The following ZIM2 variants were observed in gnomAD, a reference collection of about 807,000 sequenced individuals.
ZIM2 encodes zinc finger imprinted 2, also known as zinc finger protein 656.
A neutral mutation model predicts 38.6 loss-of-function variants in ZIM2; 14 were observed. That is an observed-to-expected ratio of 0.36 (90% CI 0.24 to 0.57). ZIM2 has a LOEUF of 0.57. ZIM2 is among the 20% of genes least tolerant of loss of function. The pLI is 0.81. For missense variants in ZIM2, 680 were observed against 695.1 expected (o/e 0.98, Z 0.24); for synonymous variants, 247 against 245.8 (o/e 1.00, Z -0.04).
At chr19:56,840,214 C>A (rs1049634615) in intron 1 of ZIM2, among the ~76,000 whole-genome samples, 2 of 152,212 alleles carry the variant, frequency 1.3e-5, no homozygotes, top group African/African-American at 4.8e-5. Flanking sequence ...GCAGAGCCCC[C>A]GGCTGTCTGC....
chr19:56,827,510 T>A (rs1212865443), intron 2 of ZIM2, among the ~76,000 whole-genome samples: 1 of 152,068 alleles, frequency 6.6e-6, no homozygotes, highest in Non-Finnish European at 1.5e-5. Flanking sequence ...CAATCAATCA[T>A]AAAGCCGGGC....
intron 9 of ZIM2, chr19:56,815,840 G>C: frequency 6.2e-7 from 1 of 1,613,614 alleles, no homozygotes; most frequent in Non-Finnish European, 8.5e-7. Flanking sequence ...TTATCATTAA[G>C]GTCTGAGATA....
At chr19:56,796,430 T>G (rs957277813) in intron 9 of ZIM2, among the ~76,000 whole-genome samples, 3 of 152,138 alleles carry the variant, frequency 2.0e-5, no homozygotes, top group African/African-American at 7.2e-5. Flanking sequence ...TTAGAGATGA[T>G]GTCTCACTCT....
Position 56,814,356 on chromosome 19 carries a change from T to C in ZIM2, c.490+3390A>G. On this transcript the variant is annotated intron_variant, in intron 9 of 12. Transcript: ENST00000629319. The surrounding 1 kb of genome is among the most constrained non-coding windows in gnomAD (Gnocchi z 5.8). Reference sequence around the variant, plus strand: ...CTGCTGCTGCTGCAGCTGCTGCTGCTTCATCTTCTTCTTCTTCTTCCAGAT... The same window carrying C: ...CTGCTGCTGCTGCAGCTGCTGCTGCCTCATCTTCTTCTTCTTCTTCCAGAT... 6.2e-7 allele frequency: 1 copy of C among 1,613,230 alleles called. No individual in the cohort carries two copies. The highest frequency in any genetic ancestry group is 1.1e-5 in the South Asian group (1 of 91,072).
intron 1 of ZIM2, among the ~76,000 whole-genome samples, chr19:56,836,824 T>A (rs1464319387): frequency 6.6e-6 from 1 of 151,826 alleles, no homozygotes; most frequent in Non-Finnish European, 1.5e-5. Context: ...TAAAATTAGA[T>A]GGGCATGGTG....
chr19:56,839,157 A>G (rs927891755), intron 1 of ZIM2, among the ~76,000 whole-genome samples: 4 of 150,942 alleles, frequency 2.7e-5, no homozygotes, highest in African/African-American at 9.8e-5. Flanking sequence ...TGGGGCTTGA[A>G]CAAACCACTA....
rs1196985371 is a variant in ZIM2, at chr19:56,840,626, CGCACCCTCATGGCGCCCG to C, written c.-376_-359del. The C allele has an allele frequency of 6.6e-6, 1 of 152,658 alleles. No homozygotes were observed. The highest frequency in any genetic ancestry group is 1.5e-5 in the Non-Finnish European group (1 of 68,398). 9.5% of individuals were successfully genotyped at this position (152,658 alleles called of 1,614,324 possible). A position where few individuals can be genotyped will look rare whatever the true frequency, so the allele number is the denominator to read the frequency against. ...GCCTCGGGCACGAACAGCCGCCTAGCGCACCCTCATGGCGCCCGGCGCCCGGCGGCGCCACCAGCCCAG... is the reference window on the plus strand; with the variant it reads ...GCCTCGGGCACGAACAGCCGCCTAGCGCGCCCGGCGGCGCCACCAGCCCAG... On this transcript the variant is annotated 5_prime_UTR_variant, in exon 1 of 13. The change abolishes an upstream ATG in the 5' untranslated region. Coordinates refer to ENST00000629319, the MANE Select transcript of ZIM2 (RefSeq NM_001387356.1).
At chr19:56,835,159 C>T (rs2061962396) in intron 2 of ZIM2, among the ~76,000 whole-genome samples, 1 of 152,104 alleles carries the variant, frequency 6.6e-6, no homozygotes. Context: ...TTGGTCTCCC[C>T]ACACCCACTG....
chr19:56,817,931 A>T, intron 8 of ZIM2, 93 bp from the exon 9 acceptor site: 1 of 947,276 alleles, frequency 1.1e-6, no homozygotes, highest in Non-Finnish European at 1.6e-6. Flanking sequence ...GAGCCACTAA[A>T]TATGAGGTGG....
intron 9 of ZIM2, among the ~76,000 whole-genome samples, chr19:56,802,333 G>A (rs2047562760): frequency 6.6e-6 from 1 of 152,062 alleles, no homozygotes; most frequent in Admixed American, 6.5e-5. Context: ...GAAACGTGAG[G>A]GAAGGCAAAA....
rs1358093681 is a variant in ZIM2 at position 56,775,346 on chromosome 19, C to T, written c.1019G>A (p.Gly340Asp). Residue 340 changes from glycine (G) to aspartate (D), a missense_variant, in exon 13 of 13, where the codon GGC becomes GAC. Gly to Asp is a moderately conservative substitution (Grantham distance 94). Transcript: ENST00000629319. ...KDPLGKDPQE[G>D]TAPGICTSPQ... ...ACTCGTACATATTCCAGGAGCAGTGCCTTCCTGGGGATCCTTTCCTAGAGG... is the reference window on the plus strand; with the variant it reads ...ACTCGTACATATTCCAGGAGCAGTGTCTTCCTGGGGATCCTTTCCTAGAGG... 4 of 1,614,168 alleles carry T rather than the reference C, an allele frequency of 2.5e-6. No homozygotes were observed. In the South Asian group the frequency reaches 4.4e-5, roughly 18 times the overall value.
chr19:56,813,468 G>A, intron 9 of ZIM2: 1 of 1,392,092 alleles, frequency 7.2e-7, no homozygotes, highest in Non-Finnish European at 9.3e-7. Flanking sequence ...CCCACATGCA[G>A]ACACTGACAT....
At chr19:56,782,231 G>A (rs1301478239) in intron 10 of ZIM2, 110 bp from the exon 11 acceptor site, 6 of 1,404,980 alleles carry the variant, frequency 4.3e-6, no homozygotes, top group East Asian at 2.3e-5. Context: ...ACAGGCACCT[G>A]GCATTGCATC....
chr19:56,774,901 T>C lies in ZIM2; in HGVS notation c.1464A>G (p.Lys488=), dbSNP rs1465942170. Residue 488 remains lysine, a synonymous_variant, in exon 13 of 13, where the codon AAA becomes AAG. Transcript: ENST00000629319. ...SKTYLIRYQR[K]HDYVGERACQ... is the part of the protein sequence containing the mutation. The stretch of plus-strand genomic sequence containing the variant: ...AGGCTCTCTCTCCAACGTAGTCATG[T>C]TTCCGCTGATAACGAATTAAGTATG... 2 of 1,614,192 alleles carry C rather than the reference T, an allele frequency of 1.2e-6. No individual in the cohort carries two copies. The highest frequency in any genetic ancestry group is 2.2e-5 in the East Asian group (1 of 44,878).
intron 9 of ZIM2, among the ~76,000 whole-genome samples, chr19:56,803,804 C>T (rs2047637170): frequency 6.6e-6 from 1 of 152,182 alleles, no homozygotes; most frequent in Non-Finnish European, 1.5e-5. Context: ...TTTGCCTTTC[C>T]TCCTGGGTCC....
intron 9 of ZIM2, among the ~76,000 whole-genome samples, chr19:56,801,786 G>A (rs2047536645): frequency 6.6e-6 from 1 of 152,166 alleles, no homozygotes; most frequent in Non-Finnish European, 1.5e-5. Context: ...AGAGCTCGAT[G>A]CTCTCATCTC....
rs986021988 is a variant in ZIM2, at chr19:56,775,243, A to G, written c.1122T>C (p.Leu374=). The part of the protein sequence containing the change: ...CKRTFSTQVA[L]RRHERIHTGK... The stretch of plus-strand genomic sequence containing the variant: ...CAGTATGGATCCGTTCGTGTCTCCT[A>G]AGGGCTACTTGCGTACTAAAGGTTC... Residue 374 remains leucine, a synonymous_variant, in exon 13 of 13, where the codon CTT becomes CTC. Coordinates refer to ENST00000629319, the MANE Select transcript of ZIM2 (RefSeq NM_001387356.1). 4 of 1,613,950 alleles carry G rather than the reference A, an allele frequency of 2.5e-6. No homozygotes were observed. In the East Asian group the frequency reaches 6.7e-5, roughly 27 times the overall value.
intron 9 of ZIM2, 63 bp downstream of exon 9, chr19:56,817,683 G>A: frequency 6.5e-7 from 1 of 1,548,262 alleles, no homozygotes. Context: ...GCAAAGTGTA[G>A]AAGTTCCTTG....
In ZIM2 at chr19:56,824,324, G is replaced by A. The variant is rs763208406; in HGVS notation, c.-47C>T. 8.7e-6 allele frequency: 14 copies of A among 1,613,912 alleles called. No homozygotes were observed. The highest frequency in any genetic ancestry group is 4.5e-5 in the East Asian group (2 of 44,850). On this transcript the variant is annotated 5_prime_UTR_variant, in exon 4 of 13. Transcript: ENST00000629319. ...AGTGACGAGCTTCTCACAGTTCTCC[G>A]GCTTTTTTGCTCGCACCCAAGGCTT...
Sources: allele counts gnomAD v4.1 joint callset (sites outside exome capture counted in the v4.1 genomes callset), GRCh38; gene constraint gnomAD v4.1.1; non-coding constraint Gnocchi (gnomAD v3.1); transcripts MANE v1.5; gene names NCBI Gene and HGNC (gene_info 2026-07-23, HGNC 2026-07-21).